The following AGBL4 variants were observed in gnomAD, a reference collection of about 807,000 sequenced individuals.
AGBL4 encodes AGBL carboxypeptidase 4.
AGBL4 carries 58 observed loss-of-function variants against 66.4 expected under a neutral mutation model. The ratio of observed to expected loss-of-function variants is 0.87; its 90% CI spans 0.71 to 1.09. The LOEUF (loss-of-function observed/expected upper bound fraction) is 1.09, where lower values mean the gene tolerates loss of function less well. Ranked by LOEUF, AGBL4 falls within the 50% of genes least tolerant of loss-of-function variation. The pLI, the probability that AGBL4 is intolerant of heterozygous loss-of-function variation, is 0.00. For missense variants in AGBL4, 579 were observed against 631.0 expected (o/e 0.92, Z 0.88); for synonymous variants, 234 against 222.9 (o/e 1.05, Z -0.44).
At chr1:49,946,019 ATAT>A (rs1341192210) in intron 1 of AGBL4, among the ~76,000 whole-genome samples, 1 of 152,074 alleles carries the variant, frequency 6.6e-6, no homozygotes, top group Non-Finnish European at 1.5e-5. Flanking sequence ...ACAATCCTAA[ATAT>A]ATATGCACCT....
chr1:49,046,322 CTAAT>C lies in AGBL4; in HGVS notation c.378-526_378-523del, dbSNP rs1363493718. 5.3e-5 allele frequency among the ~76,000 whole-genome samples: 8 copies of C among 152,100 alleles called. No homozygotes were observed. In the East Asian group the frequency reaches 7.7e-4, roughly 15 times the overall value. On this transcript the variant is annotated intron_variant, in intron 4 of 13. Transcript: ENST00000371839. Reference sequence around the variant, plus strand: ...AAGTCAAGTTTTTTAAATTATAAGACTAATTAAGAACTTTTAAAATAAACTCATA... The same window carrying C: ...AAGTCAAGTTTTTTAAATTATAAGACTAAGAACTTTTAAAATAAACTCATA...
At chr1:49,508,322 A>C (rs1648883445) in intron 3 of AGBL4, among the ~76,000 whole-genome samples, 1 of 152,024 alleles carries the variant, frequency 6.6e-6, no homozygotes, top group African/African-American at 2.4e-5. Context: ...AAGTGCCAAC[A>C]TTACTGTTAT....
At chr1:48,962,111 A>ATCCATCCATCCATCCG (rs1199303860) in intron 5 of AGBL4, among the ~76,000 whole-genome samples, 1 of 148,062 alleles carries the variant, frequency 6.8e-6, no homozygotes, top group African/African-American at 2.6e-5. Context: ...CCATCCATCC[A>ATCCATCCATCCATCCG]TCCATCCATC....
intron 1 of AGBL4, among the ~76,000 whole-genome samples, chr1:49,887,988 A>C (rs1648245574): frequency 6.6e-6 from 1 of 152,164 alleles, no homozygotes; most frequent in African/African-American, 2.4e-5. Context: ...CAACATTTTT[A>C]TTTAAGACTT....
intron 3 of AGBL4, among the ~76,000 whole-genome samples, chr1:49,383,251 T>C (rs2148578697): frequency 6.6e-6 from 1 of 152,276 alleles, no homozygotes; most frequent in Admixed American, 6.5e-5. Context: ...AATGCAATCA[T>C]TGTGATCACA....
chr1:49,356,823 T>C (rs920752655), intron 3 of AGBL4, among the ~76,000 whole-genome samples: 9 of 152,184 alleles, frequency 5.9e-5, no homozygotes, highest in Non-Finnish European at 1.3e-4. Flanking sequence ...AGGAGCTTTG[T>C]TGATACCTGG....
At chr1:49,538,027 C>T (rs1651739196) in intron 3 of AGBL4, among the ~76,000 whole-genome samples, 1 of 151,854 alleles carries the variant, frequency 6.6e-6, no homozygotes, top group South Asian at 2.1e-4. Context: ...CCTCTATGGA[C>T]ACCTGTATAC....
At position 49,230,930 on chromosome 1, in the gene AGBL4, G is replaced by C. The variant is rs949361613; in HGVS notation, c.377+14840C>G. On this transcript the variant is annotated intron_variant, in intron 4 of 13. Transcript: ENST00000371839. ...TAAGCCAAAGAGCAAAAAGTATTCT[G>C]TTTATGATCCAAATACCCTTATTAA... Among the ~76,000 whole-genome samples, 4 of 151,984 alleles carry C rather than the reference G, an allele frequency of 2.6e-5. No homozygotes were observed. The East Asian group carries it at 7.7e-4, about 29-fold the overall frequency.
intron 4 of AGBL4, among the ~76,000 whole-genome samples, chr1:49,113,002 A>G (rs1186650427): frequency 2.0e-5 from 3 of 150,860 alleles, no homozygotes; most frequent in African/African-American, 7.3e-5. Flanking sequence ...CCCAGACCAG[A>G]GTGCAGTGGC....
chr1:49,621,874 A>C (rs1028939990), intron 3 of AGBL4, among the ~76,000 whole-genome samples: 2 of 152,208 alleles, frequency 1.3e-5, no homozygotes, highest in Non-Finnish European at 2.9e-5. Context: ...ATTGACTGCC[A>C]AGAGGACAGA....
At chr1:49,090,775 G>C (rs1406690805) in intron 4 of AGBL4, among the ~76,000 whole-genome samples, 1 of 152,084 alleles carries the variant, frequency 6.6e-6, no homozygotes, top group Non-Finnish European at 1.5e-5. Context: ...AGCTCAAATA[G>C]CCAAGGCAAT....
At chr1:48,549,842 T>A (rs1644223168) in intron 11 of AGBL4, among the ~76,000 whole-genome samples, 1 of 150,858 alleles carries the variant, frequency 6.6e-6, no homozygotes, top group Admixed American at 6.6e-5. Flanking sequence ...AGGCAAAAGA[T>A]AAGACAGAAA....
chr1:48,526,540 G>A, the AGBL4 span, among the ~76,000 whole-genome samples: 1 of 152,174 alleles, frequency 6.6e-6, no homozygotes, highest in African/African-American at 2.4e-5. Flanking sequence ...GGAGGAGGAG[G>A]AGTAGATTAG....
At chr1:48,805,528 G>A (rs1570714627) in intron 6 of AGBL4, among the ~76,000 whole-genome samples, 1 of 152,136 alleles carries the variant, frequency 6.6e-6, no homozygotes, top group African/African-American at 2.4e-5. Flanking sequence ...CATAGTCAAA[G>A]TACCTGCCAG....
intron 3 of AGBL4, among the ~76,000 whole-genome samples, chr1:49,317,748 C>T (rs936923562): frequency 1.3e-5 from 2 of 151,956 alleles, no homozygotes; most frequent in African/African-American, 4.8e-5. Flanking sequence ...TAAGAGGAGA[C>T]ATTTGAAACA....
At chr1:49,250,529 C>T (rs949925747) in intron 3 of AGBL4, among the ~76,000 whole-genome samples, 4 of 151,118 alleles carry the variant, frequency 2.6e-5, no homozygotes, top group Non-Finnish European at 5.9e-5. Context: ...TTGCAACCTC[C>T]ACCTCCTGGG....
chr1:49,406,840 C>A (rs553780050), intron 3 of AGBL4, among the ~76,000 whole-genome samples: 2 of 151,540 alleles, frequency 1.3e-5, no homozygotes, highest in East Asian at 3.9e-4. Context: ...CCGAGGTGGG[C>A]GGATCACGAG....
chr1:48,717,096 G>T (rs1647064184), intron 6 of AGBL4, among the ~76,000 whole-genome samples: 1 of 152,196 alleles, frequency 6.6e-6, no homozygotes. Context: ...GCAGTGCAGT[G>T]CCCCATCCCC....
chr1:49,372,037 G>A (rs1016338633), intron 3 of AGBL4, among the ~76,000 whole-genome samples: 1 of 151,712 alleles, frequency 6.6e-6, no homozygotes, highest in Non-Finnish European at 1.5e-5. Flanking sequence ...TATCATAGGA[G>A]GTAAAAAAAA....
Sources: allele counts gnomAD v4.1 joint callset (sites outside exome capture counted in the v4.1 genomes callset), GRCh38; gene constraint gnomAD v4.1.1; transcripts MANE v1.5; gene names NCBI Gene and HGNC (gene_info 2026-07-23, HGNC 2026-07-21).